RPS6KC1: variants seen among roughly 807,000 people sequenced by gnomAD.
RPS6KC1 encodes ribosomal protein S6 kinase C1, also known as inactive ribosomal protein S6 kinase delta-1.
RPS6KC1 carries 54 observed loss-of-function variants against 103.8 expected under a neutral mutation model. The ratio of observed to expected loss-of-function variants is 0.52; its 90% confidence interval spans 0.42 to 0.65. RPS6KC1 has a LOEUF of 0.65. Ranked by LOEUF, RPS6KC1 falls within the 30% of genes least tolerant of loss-of-function variation. RPS6KC1 has a pLI of 0.00. For missense variants in RPS6KC1, 1,151 were observed against 1,253.8 expected (o/e 0.92, Z 1.24); for synonymous variants, 439 against 438.7 (o/e 1.00, Z -0.01).
At chr1:213,659,217 G>A in the RPS6KC1 span, among the ~76,000 whole-genome samples, 1 of 151,952 alleles carries the variant, frequency 6.6e-6, no homozygotes, top group Non-Finnish European at 1.5e-5. Context: ...CACCCGACTT[G>A]GCCTCCCAAA....
In RPS6KC1 at chr1:213,273,262, G is replaced by A. The variant is rs955083306; in HGVS notation, c.*628G>A. On this transcript the variant is annotated 3_prime_UTR_variant, in exon 15 of 15. Coordinates refer to ENST00000366960, the MANE Select transcript of RPS6KC1 (RefSeq NM_012424.6). ...GTTGATACTGCTTATTTAGAGAAGG[G>A]TTCATATAAACACTCACTCTGTGTC... The A allele has an allele frequency of 1.3e-5, 2 of 152,570 alleles. No individual in the cohort carries two copies. The highest frequency in any genetic ancestry group is 2.4e-5 in the African/African-American group (1 of 41,406). 9.5% of individuals were successfully genotyped at this position (152,570 alleles called of 1,614,324 possible). A position where few individuals can be genotyped will look rare whatever the true frequency, so the allele number is the denominator to read the frequency against.
the RPS6KC1 span, chr1:213,818,732 A>C: frequency 1.5e-4 from 23 of 152,360 alleles, no homozygotes; most frequent in African/African-American, 5.3e-4. Context: ...CCCTGCACAG[A>C]TGGATGAAAC....
chr1:213,194,661 A>G (rs2092872001), intron 8 of RPS6KC1, among the ~76,000 whole-genome samples: 1 of 152,212 alleles, frequency 6.6e-6, no homozygotes, highest in Admixed American at 6.5e-5. Flanking sequence ...TAGTGGTAAC[A>G]CTAGATTCTC....
chr1:213,622,635 C>A, the RPS6KC1 span, among the ~76,000 whole-genome samples: 256 of 152,196 alleles, frequency 1.7e-3, 2 homozygotes, highest in African/African-American at 5.8e-3. Context: ...CCCCTGCAGT[C>A]GGCTGCACGT....
intron 5 of RPS6KC1, among the ~76,000 whole-genome samples, chr1:213,123,777 A>G (rs1002414214): frequency 3.9e-5 from 6 of 152,270 alleles, no homozygotes; most frequent in South Asian, 2.1e-4. Flanking sequence ...TTTGTTGACT[A>G]TGGCAATATT....
chr1:213,415,645 G>C, the RPS6KC1 span, among the ~76,000 whole-genome samples: 2 of 152,222 alleles, frequency 1.3e-5, no homozygotes, highest in Admixed American at 1.3e-4. Flanking sequence ...CTTGAGAGGG[G>C]CAGCACTGTC....
chr1:213,346,530 A>C, the RPS6KC1 span, among the ~76,000 whole-genome samples: 8 of 152,164 alleles, frequency 5.3e-5, no homozygotes, highest in Non-Finnish European at 1.0e-4. Flanking sequence ...TAAAGACAGA[A>C]AGTAGAATTG....
the RPS6KC1 span, among the ~76,000 whole-genome samples, chr1:213,706,994 T>A: frequency 3.3e-5 from 5 of 152,204 alleles, no homozygotes; most frequent in African/African-American, 1.2e-4. Flanking sequence ...TTGTGAATAG[T>A]GCTGCAGTAA....
chr1:213,061,448 C>T (rs1040630373), intron 1 of RPS6KC1, among the ~76,000 whole-genome samples: 4 of 152,168 alleles, frequency 2.6e-5, no homozygotes, highest in Non-Finnish European at 5.9e-5. Flanking sequence ...TCTTGCCAAC[C>T]AGTGCCACCT....
At chr1:213,806,274 G>A in the RPS6KC1 span, among the ~76,000 whole-genome samples, 1 of 152,196 alleles carries the variant, frequency 6.6e-6, no homozygotes, top group Non-Finnish European at 1.5e-5. Flanking sequence ...AGAGCTTGCA[G>A]TGAGCAGAGA....
At chr1:213,614,427 T>C in the RPS6KC1 span, among the ~76,000 whole-genome samples, 1 of 152,356 alleles carries the variant, frequency 6.6e-6, no homozygotes, top group African/African-American at 2.4e-5. Context: ...ACACCTTTGA[T>C]AGCAGTGCCT....
At chr1:213,850,870 T>C in the RPS6KC1 span, among the ~76,000 whole-genome samples, 1 of 152,112 alleles carries the variant, frequency 6.6e-6, no homozygotes, top group East Asian at 1.9e-4. Context: ...ATGATTTCTG[T>C]TTCACAATCT....
the RPS6KC1 span, among the ~76,000 whole-genome samples, chr1:213,727,112 C>T: frequency 6.6e-6 from 1 of 152,224 alleles, no homozygotes; most frequent in Non-Finnish European, 1.5e-5. Context: ...CCGACCCTTT[C>T]AGCTGAGCCC....
At chr1:213,175,164 C>G (rs748456319) in intron 7 of RPS6KC1, among the ~76,000 whole-genome samples, 1 of 152,132 alleles carries the variant, frequency 6.6e-6, no homozygotes, top group Non-Finnish European at 1.5e-5. Flanking sequence ...AGATTCCCTC[C>G]TTTCTCTCTC....
At chr1:213,596,971 C>T in the RPS6KC1 span, among the ~76,000 whole-genome samples, 1 of 152,198 alleles carries the variant, frequency 6.6e-6, no homozygotes, top group South Asian at 2.1e-4. Context: ...TGGACAGAGA[C>T]ATTTCTCGAA....
At chr1:213,181,613 A>G (rs1192079409) in intron 8 of RPS6KC1, among the ~76,000 whole-genome samples, 2 of 152,240 alleles carry the variant, frequency 1.3e-5, no homozygotes, top group Non-Finnish European at 2.9e-5. Flanking sequence ...CAGAAGCATC[A>G]ATATTCAGGT....
At chr1:213,543,152 C>T in the RPS6KC1 span, among the ~76,000 whole-genome samples, 1 of 152,136 alleles carries the variant, frequency 6.6e-6, no homozygotes, top group Non-Finnish European at 1.5e-5. Flanking sequence ...TACGGATGAG[C>T]CTAGAGATGC....
chr1:213,251,005 T>A (rs1232941414), intron 12 of RPS6KC1, among the ~76,000 whole-genome samples: 1 of 152,016 alleles, frequency 6.6e-6, no homozygotes, highest in Non-Finnish European at 1.5e-5. Context: ...GCACATTTTA[T>A]GGAATTAGGT....
the RPS6KC1 span, among the ~76,000 whole-genome samples, chr1:213,389,650 C>T: frequency 6.6e-6 from 1 of 152,200 alleles, no homozygotes; most frequent in African/African-American, 2.4e-5. Flanking sequence ...AGTCTCTGCT[C>T]TCTCCTGAAC....
Sources: gnomAD v4.1 joint callset for allele counts (sites outside exome capture counted in the v4.1 genomes callset) on GRCh38, gnomAD v4.1.1 for gene constraint, MANE v1.5 for transcripts, NCBI Gene and HGNC (gene_info 2026-07-23, HGNC 2026-07-21) for gene names.